NXN: variants seen among roughly 807,000 people sequenced by gnomAD.
NXN encodes nucleoredoxin, also known as nucleoredoxin 1.
A neutral mutation model predicts 48.6 loss-of-function variants in NXN; 16 were observed. The ratio of observed to expected loss-of-function variants is 0.33; its 90% CI spans 0.22 to 0.50. The LOEUF is 0.50. Among genes scored for constraint, NXN ranks in the 20% least tolerant of loss-of-function variants. NXN has a pLI of 0.98. For synonymous variants in NXN, 281 were observed against 269.6 expected, an observed-to-expected ratio of 1.04 and a Z score of -0.41; for missense variants, 492 against 605.5, an observed-to-expected ratio of 0.81 and a Z score of 1.97.
At chr17:944,935 A>G (rs930390336) in intron 1 of NXN, among the ~76,000 whole-genome samples, 7 of 152,172 alleles carry the variant, frequency 4.6e-5, no homozygotes, top group Middle Eastern at 3.4e-3. Context: ...ACACACCGAG[A>G]AGAGAAAACT....
intron 5 of NXN, among the ~76,000 whole-genome samples, chr17:806,739 T>C (rs910155506): frequency 3.3e-5 from 5 of 152,140 alleles, no homozygotes; most frequent in Non-Finnish European, 5.9e-5. Context: ...GTACCAGACA[T>C]ATGGCCCTCG....
In NXN at chr17:979,600, C is replaced by A. The variant is rs748726426; in HGVS notation, c.79G>T (p.Gly27Cys). 2 of 1,454,748 alleles carry A rather than the reference C, an allele frequency of 1.4e-6. No individual in the cohort carries two copies. The highest frequency in any genetic ancestry group is 2.6e-5 in the South Asian group (2 of 76,250). The allele number at this position is 1,454,748 out of a possible 1,614,324, so 90.1% of individuals were successfully genotyped here. ...CCCAGCAGCGAGATGCCGCGGGCGC[C>A]CAGCGAGTGCACGTCCACCTCCTCG... ...GGEEVDVHSL[G>C]ARGISLLGLY... The change falls in exon 1 of 8, where the codon GGC (glycine) becomes TGC (cysteine). Residue 27 changes from glycine to cysteine, a missense_variant. Gly to Cys is a radical substitution (Grantham distance 159). This residue lies in a region of NXN where 186 missense variants were observed against 199.1 expected (regional missense o/e 0.93). Coordinates refer to ENST00000336868, the MANE Select transcript of NXN (RefSeq NM_022463.5).
At chr17:902,264 G>A (rs1385938871) in intron 1 of NXN, among the ~76,000 whole-genome samples, 2 of 152,192 alleles carry the variant, frequency 1.3e-5, no homozygotes, top group South Asian at 2.1e-4. Flanking sequence ...GCCAACGCTC[G>A]CTCTGGCGTT....
At chr17:940,884 A>C (rs1294468657) in intron 1 of NXN, among the ~76,000 whole-genome samples, 17 of 80,270 alleles carry the variant, frequency 2.1e-4, no homozygotes, top group East Asian at 6.7e-4. Flanking sequence ...GAATTCACCA[A>C]ACACCTTCCT....
At chr17:863,741 G>A (rs1305338902) in intron 1 of NXN, 2 of 576,654 alleles carry the variant, frequency 3.5e-6, no homozygotes, top group East Asian at 3.0e-5. Context: ...GGGATTACAG[G>A]TGTGAGCCTC....
At chr17:891,491 G>A (rs1472859288) in intron 1 of NXN, among the ~76,000 whole-genome samples, 1 of 152,186 alleles carries the variant, frequency 6.6e-6, no homozygotes, top group Non-Finnish European at 1.5e-5. Flanking sequence ...AAGCTAACCA[G>A]AGAACACTGA....
chr17:924,361 C>G (rs560856725), intron 1 of NXN, among the ~76,000 whole-genome samples: 7 of 152,208 alleles, frequency 4.6e-5, no homozygotes, highest in African/African-American at 1.4e-4. Flanking sequence ...CTCAGCCCCC[C>G]GCGTAGGTGG....
intron 1 of NXN, chr17:897,027 G>C: frequency 1.8e-6 from 2 of 1,094,882 alleles, no homozygotes; most frequent in Non-Finnish European, 1.1e-6. Flanking sequence ...AAACTCCGGC[G>C]TGCCTAACAA....
At chr17:851,015 C>T (rs1371824504) in intron 1 of NXN, among the ~76,000 whole-genome samples, 1 of 152,244 alleles carries the variant, frequency 6.6e-6, no homozygotes, top group Non-Finnish European at 1.5e-5. Flanking sequence ...CTTAAAACTG[C>T]TGAGGCCTTC....
intron 6 of NXN, among the ~76,000 whole-genome samples, chr17:804,257 T>C (rs895342833): frequency 6.7e-6 from 1 of 149,832 alleles, no homozygotes; most frequent in African/African-American, 2.5e-5. Flanking sequence ...GGGTGAGGAC[T>C]GTGGTCTGGT....
chr17:957,613 C>CA (rs2069186805), intron 1 of NXN, among the ~76,000 whole-genome samples: 3 of 145,240 alleles, frequency 2.1e-5, no homozygotes, highest in African/African-American at 7.8e-5. Context: ...GCCTGGGCGA[C>CA]AGAGCAAGAC....
At position 822,419 on chromosome 17, in the gene NXN, T is replaced by A; in HGVS notation, c.651A>T (p.Glu217Asp). 1 of 1,614,070 alleles carries A rather than the reference T, an allele frequency of 6.2e-7. No homozygotes were observed. The highest frequency in any genetic ancestry group is 8.5e-7 in the Non-Finnish European group (1 of 1,180,006). ...CTGCCTCCTTGATCTTCCGGTAGGA[T>A]TCCACCAGGACCCGGGTGAGGCTTC... ...PCRSLTRVLV[E>D]SYRKIKEAGQ... is the part of the protein sequence containing the mutation. Residue 217 changes from glutamate to aspartate, a missense_variant, in exon 4 of 8, where the codon GAA becomes GAT. Physicochemically the swap from Glu to Asp is conservative, Grantham distance 45. Around this residue, in one of 3 missense-constraint regions of NXN, gnomAD observed 303 missense variants for 388.3 expected, o/e 0.78. Coordinates refer to ENST00000336868, the MANE Select transcript of NXN (RefSeq NM_022463.5).
At chr17:863,046 T>C (rs182328921) in intron 1 of NXN, among the ~76,000 whole-genome samples, 1 of 152,318 alleles carries the variant, frequency 6.6e-6, no homozygotes, top group East Asian at 1.9e-4. Flanking sequence ...AGGGGATTGG[T>C]TCTGGGACCC....
intron 5 of NXN, among the ~76,000 whole-genome samples, chr17:812,489 A>ACGTC (rs1307063087): frequency 2.0e-5 from 3 of 152,216 alleles, no homozygotes; most frequent in African/African-American, 7.2e-5. Flanking sequence ...AGGGAGCAGG[A>ACGTC]CGTCCCCAGA....
chr17:963,051 G>T (rs1356331855), intron 1 of NXN, among the ~76,000 whole-genome samples: 1 of 152,054 alleles, frequency 6.6e-6, no homozygotes, highest in East Asian at 1.9e-4. Flanking sequence ...TCATTATCAA[G>T]GCAGAAATCA....
chr17:846,413 C>CAAAA (rs757262418), intron 1 of NXN, among the ~76,000 whole-genome samples: 2 of 62,666 alleles, frequency 3.2e-5, no homozygotes, highest in African/African-American at 6.9e-5. Context: ...GAAATTGTCT[C>CAAAA]AAAAAAAAAA....
chr17:860,387 G>T, intron 1 of NXN, among the ~76,000 whole-genome samples: 1 of 78,772 alleles, frequency 1.3e-5, no homozygotes, highest in South Asian at 6.4e-4. Flanking sequence ...GCCTCCCAAA[G>T]TGCTGGGATG....
At chr17:881,547 C>T (rs947017772) in intron 1 of NXN, among the ~76,000 whole-genome samples, 3 of 152,162 alleles carry the variant, frequency 2.0e-5, no homozygotes, top group Non-Finnish European at 2.9e-5. Flanking sequence ...CTTTGAAGAA[C>T]CGTTTGGTCC....
chr17:972,480 A>C (rs985075197), intron 1 of NXN, among the ~76,000 whole-genome samples: 4 of 152,000 alleles, frequency 2.6e-5, no homozygotes, highest in Non-Finnish European at 5.9e-5. Flanking sequence ...CTGAAAAAAA[A>C]GAAAAAGAAA....
Sources: allele counts gnomAD v4.1 joint callset (sites outside exome capture counted in the v4.1 genomes callset), GRCh38; gene constraint gnomAD v4.1.1; regional missense constraint gnomAD v4.1.1; transcripts MANE v1.5; gene names NCBI Gene and HGNC (gene_info 2026-07-23, HGNC 2026-07-21).